The following STK31 variants were observed in gnomAD, a reference collection of about 807,000 sequenced individuals.
STK31 encodes serine/threonine kinase 31.
STK31 carries 89 observed loss-of-function variants against 129.7 expected under a neutral mutation model. The observed-to-expected ratio is 0.69, with a 90% CI of 0.58 to 0.82. The LOEUF (loss-of-function observed/expected upper bound fraction) is 0.82, where lower values mean the gene tolerates loss of function less well. Ranked by LOEUF, STK31 falls within the 40% of genes least tolerant of loss-of-function variation. STK31 has a pLI of 0.00. For synonymous variants in STK31, 448 were observed against 395.3 expected (o/e 1.13, Z -1.58); for missense variants, 1,187 against 1,176.4 (o/e 1.01, Z -0.13).
At chr7:23,729,811 A>T (rs2128074475) in intron 6 of STK31, among the ~76,000 whole-genome samples, 1 of 152,290 alleles carries the variant, frequency 6.6e-6, no homozygotes, top group East Asian at 1.9e-4. Context: ...CGCCCAGCCA[A>T]GGATAGTCTC....
At chr7:23,741,728 G>A (rs1417018782) in intron 8 of STK31, among the ~76,000 whole-genome samples, 1 of 152,194 alleles carries the variant, frequency 6.6e-6, no homozygotes, top group Non-Finnish European at 1.5e-5. Context: ...AGAGGGTGGG[G>A]CCCCTCTCAG....
chr7:23,830,571 G>A (rs796197168), intron 23 of STK31, among the ~76,000 whole-genome samples: 1 of 146,120 alleles, frequency 6.8e-6, no homozygotes, highest in Non-Finnish European at 1.5e-5. Flanking sequence ...TCATTCAGCA[G>A]CACGTTGTTT....
intron 10 of STK31, among the ~76,000 whole-genome samples, chr7:23,759,511 G>C (rs1204403636): frequency 1.3e-5 from 2 of 152,208 alleles, no homozygotes; most frequent in Non-Finnish European, 2.9e-5. Flanking sequence ...ATATTGTAAT[G>C]ATAGTTTGTG....
At chr7:23,762,738 A>G in intron 10 of STK31, 63 bp from the exon 11 acceptor site, 1 of 1,564,468 alleles carries the variant, frequency 6.4e-7, no homozygotes, top group East Asian at 2.3e-5. Context: ...TTTTTTTCAT[A>G]TAGGTCATAT....
At chr7:23,740,070 G>A (rs1787963332) in intron 8 of STK31, among the ~76,000 whole-genome samples, 1 of 152,134 alleles carries the variant, frequency 6.6e-6, no homozygotes, top group South Asian at 2.1e-4. Context: ...GGGCAGTGTG[G>A]CCATTTTCAT....
intron 16 of STK31, among the ~76,000 whole-genome samples, chr7:23,783,149 G>A (rs765003812): frequency 2.0e-5 from 3 of 152,180 alleles, no homozygotes; most frequent in Middle Eastern, 3.2e-3. Context: ...AATTGGCAGC[G>A]AGGTACAGAA....
intron 9 of STK31, among the ~76,000 whole-genome samples, chr7:23,753,172 C>T (rs770703075): frequency 2.6e-5 from 4 of 152,136 alleles, no homozygotes; most frequent in African/African-American, 7.2e-5. Context: ...CCTTGAATAA[C>T]GTGTTTTCAT....
intron 18 of STK31, 82 bp downstream of exon 18, chr7:23,785,685 C>G: frequency 6.7e-7 from 1 of 1,501,264 alleles, no homozygotes; most frequent in Non-Finnish European, 8.9e-7. Flanking sequence ...AAAGAAAAAA[C>G]CTCACTGTTA....
At chr7:23,746,570 G>T (rs2216499) in intron 8 of STK31, among the ~76,000 whole-genome samples, 102,395 of 152,062 alleles carry the variant, frequency 0.67, 35,037 homozygotes, top group South Asian at 0.81. Context: ...CTGAAATAAT[G>T]TAATCTAACA....
chr7:23,814,519 G>T (rs966876520), intron 22 of STK31, among the ~76,000 whole-genome samples: 11 of 152,140 alleles, frequency 7.2e-5, no homozygotes, highest in African/African-American at 2.6e-4. Context: ...GTCTCTTAGA[G>T]ATATGTACTA....
chr7:23,822,918 A>C (rs1667207577), intron 23 of STK31, among the ~76,000 whole-genome samples: 1 of 152,140 alleles, frequency 6.6e-6, no homozygotes, highest in Non-Finnish European at 1.5e-5. Flanking sequence ...CCTACAAAGG[A>C]CATGAACTCA....
At chr7:23,786,967 A>G in intron 20 of STK31, 43 bp downstream of exon 20, 2 of 1,554,430 alleles carry the variant, frequency 1.3e-6, no homozygotes, top group Non-Finnish European at 8.8e-7. Context: ...GTATTAAATG[A>G]GAAAATAACA....
chr7:23,779,570 A>G (rs1790779931), intron 15 of STK31, among the ~76,000 whole-genome samples: 1 of 152,164 alleles, frequency 6.6e-6, no homozygotes, highest in Non-Finnish European at 1.5e-5. Flanking sequence ...GTCTGGCTAC[A>G]GAGGCTTTGC....
chr7:23,746,886 TA>T (rs1216966241), intron 8 of STK31, among the ~76,000 whole-genome samples: 1 of 151,970 alleles, frequency 6.6e-6, no homozygotes, highest in Non-Finnish European at 1.5e-5. Context: ...AAAAATAAGT[TA>T]AAATTATTTT....
At chr7:23,792,083 T>C (rs1791654434) in intron 22 of STK31, among the ~76,000 whole-genome samples, 1 of 152,162 alleles carries the variant, frequency 6.6e-6, no homozygotes, top group Non-Finnish European at 1.5e-5. Context: ...AAACAAGTAG[T>C]GGAATCAGTT....
chr7:23,737,000 T>G lies in STK31; in HGVS notation c.939T>G (p.Leu313=). 9.9e-6 allele frequency: 16 copies of G among 1,613,626 alleles called. No homozygotes were observed. The highest frequency in any genetic ancestry group is 1.3e-5 in the Non-Finnish European group (15 of 1,179,886). The part of the protein sequence containing the change: ...DQKLIEENEK[L]KTEKDALLES... ...AACTGATTGAAGAAAATGAAAAACT[T>G]AAAACAGAGAAGGACGCTCTTCTTG... is the stretch of plus-strand genomic sequence containing the variant. Residue 313 remains leucine, a synonymous_variant, in exon 8 of 24, where the codon CTT becomes CTG. Coordinates refer to ENST00000355870, the MANE Select transcript of STK31 (RefSeq NM_031414.5).
At chr7:23,811,250 C>T (rs1251191305) in intron 22 of STK31, 3 of 343,252 alleles carry the variant, frequency 8.7e-6, no homozygotes, top group South Asian at 6.2e-5. Flanking sequence ...GATGTTTTCA[C>T]CAGTAAAGGA....
At chr7:23,792,040 TG>T (rs1333872276) in intron 22 of STK31, among the ~76,000 whole-genome samples, 1 of 152,172 alleles carries the variant, frequency 6.6e-6, no homozygotes, top group African/African-American at 2.4e-5. Context: ...CATTTAAAAA[TG>T]TGAAAACTAC....
chr7:23,789,150 CA>C (rs1296496296), intron 21 of STK31, among the ~76,000 whole-genome samples: 3 of 151,846 alleles, frequency 2.0e-5, no homozygotes, highest in African/African-American at 7.3e-5. Context: ...TTTTTATTGC[CA>C]AATTATATTT....
Sources: gnomAD v4.1 joint callset for allele counts (sites outside exome capture counted in the v4.1 genomes callset) on GRCh38, gnomAD v4.1.1 for gene constraint, MANE v1.5 for transcripts, NCBI Gene and HGNC (gene_info 2026-07-23, HGNC 2026-07-21) for gene names.